Variants in AMER2 observed in about 807,000 individuals in gnomAD.
AMER2 encodes the protein family with sequence similarity 123A.
A neutral mutation model predicts 4.7 loss-of-function variants in AMER2; 1 was observed. The ratio of observed to expected loss-of-function variants is 0.21; its 90% CI spans 0.07 to 1.00. The LOEUF (loss-of-function observed/expected upper bound fraction) is 1.00. AMER2 is among the 50% of genes least tolerant of loss of function. The pLI is 0.60. For synonymous variants in AMER2, 485 were observed against 433.3 expected (o/e 1.12, Z -1.48); for missense variants, 988 against 966.9 (o/e 1.02, Z -0.29).
chr13:25,162,049 G>A lies in AMER2; in HGVS notation c.*7555C>T, dbSNP rs1956413800. ...TTAAAACATAGAATTAGTTCTAGGA[G>A]ACAATTTTTGATGTTTTTCAGGGGT... On this transcript the variant is annotated 3_prime_UTR_variant, in exon 1 of 1. Transcript: ENST00000515384. 2.0e-5 allele frequency: 3 copies of A among 152,134 alleles called. No homozygotes were observed. Among genetic ancestry groups the A allele is most frequent in the East Asian group, 3.8e-4 (2 of 5,204 alleles). 9.4% of individuals were successfully genotyped at this position (152,134 alleles called of 1,614,324 possible). A position where few individuals can be genotyped will look rare whatever the true frequency, so the allele number is the denominator to read the frequency against.
chr13:25,164,248 T>C lies in AMER2; in HGVS notation c.*5356A>G, dbSNP rs1221928372. 2 of 151,118 alleles carry C rather than the reference T, an allele frequency of 1.3e-5. No homozygotes were observed. The highest frequency in any genetic ancestry group is 2.9e-5 in the Non-Finnish European group (2 of 67,906). 9.4% of individuals were successfully genotyped at this position (151,118 alleles called of 1,614,324 possible). On this transcript the variant is annotated 3_prime_UTR_variant, in exon 1 of 1. Coordinates refer to ENST00000515384, the MANE Select transcript of AMER2 (RefSeq NM_152704.4). ...GGAATAAAAACAAATGAAACAAATATGCTTTGAATGAATGATACCCTGTCA... is the reference window on the plus strand; with the variant it reads ...GGAATAAAAACAAATGAAACAAATACGCTTTGAATGAATGATACCCTGTCA...
Position 25,171,612 on chromosome 13 carries a change from G to A in AMER2, c.8C>T (p.Thr3Met), listed in dbSNP as rs1956584419. METSRSRGGGGAV... is the reference protein window; with the variant it reads MEMSRSRGGGGAV... The stretch of plus-strand genomic sequence containing the variant: ...CCCGCCGCCGCCGCGGCTCCGGCTC[G>A]TCTCCATGGAAACCGCGCGGGATAA... The change falls in exon 1 of 1, where the codon ACG (threonine) becomes ATG (methionine). Residue 3 changes from threonine to methionine, a missense_variant. Transcript: ENST00000515384. This position sits in a 1 kb window ranked among gnomAD's most constrained non-coding sequence, Gnocchi z 5.9. 1.3e-6 allele frequency: 2 copies of A among 1,485,872 alleles called. No homozygotes were observed. Among genetic ancestry groups the A allele is most frequent in the East Asian group, 2.5e-5 (1 of 40,104 alleles). The allele number at this position is 1,485,872 out of a possible 1,614,324, so 92.0% of individuals were successfully genotyped here.
In AMER2 at chr13:25,169,861, C is replaced by T. The variant is rs535170330; in HGVS notation, c.1759G>A (p.Val587Ile). ...ETSSLSRLKP[V>I]SPGTITCPLR... The stretch of plus-strand genomic sequence containing the variant: ...GGACAGGTGATGGTGCCTGGAGATA[C>T]GGGCTTTAACCGGGACAGGGAGGAC... Residue 587 changes from valine to isoleucine, a missense_variant, in exon 1 of 1, where the codon GTA becomes ATA. Physicochemically the swap from Val to Ile is conservative, Grantham distance 29. Coordinates refer to ENST00000515384, the MANE Select transcript of AMER2 (RefSeq NM_152704.4). The surrounding 1 kb of genome is among the most constrained non-coding windows in gnomAD (Gnocchi z 4.2). 13 of 1,613,954 alleles carry T rather than the reference C, an allele frequency of 8.1e-6. No individual in the cohort carries two copies. Among genetic ancestry groups the T allele is most frequent in the African/African-American group, 1.3e-5 (1 of 74,926 alleles).
chr13:25,171,323 C>T lies in AMER2; in HGVS notation c.297G>A (p.Gly99=). ...KGDGKSSGPT[G]LVRSRTHDGL... is the part of the protein sequence containing the mutation. ...CGTCGTGGGTCCTGCTCCTCACCAG[C>T]CCCGTCGGACCCGAGCTTTTCCCGT... Residue 99 remains glycine, a synonymous_variant, in exon 1 of 1, where the codon GGG becomes GGA. Transcript: ENST00000515384. The surrounding 1 kb of genome is among the most constrained non-coding windows in gnomAD (Gnocchi z 5.9). The T allele has an allele frequency of 1.9e-6, 3 of 1,608,530 alleles. No homozygotes were observed. The highest frequency in any genetic ancestry group is 2.5e-6 in the Non-Finnish European group (3 of 1,178,330).
chr13:25,170,185 C>T lies in AMER2; in HGVS notation c.1435G>A (p.Val479Met), dbSNP rs2137444291. Residue 479 changes from valine to methionine, a missense_variant, in exon 1 of 1, where the codon GTG becomes ATG. Coordinates refer to ENST00000515384, the MANE Select transcript of AMER2 (RefSeq NM_152704.4). The surrounding 1 kb of genome is among the most constrained non-coding windows in gnomAD (Gnocchi z 7.3). ...GAGGACGCGTCCTTGGCCGCTTCCA[C>T]ACACCTGGTGTCTTTGGGGGTCTCG... ...VPETPKDTRC[V>M]EAAKDASSVK... 1.2e-6 allele frequency: 2 copies of T among 1,613,484 alleles called. No homozygotes were observed. The highest frequency in any genetic ancestry group is 1.7e-6 in the Non-Finnish European group (2 of 1,179,686).
Position 25,170,888 on chromosome 13 carries a change from G to T in AMER2, c.732C>A (p.Ala244=). 6.9e-7 allele frequency: 1 copy of T among 1,453,212 alleles called. No homozygotes were observed. Among genetic ancestry groups the T allele is most frequent in the Non-Finnish European group, 9.0e-7 (1 of 1,111,172 alleles). The allele number at this position is 1,453,212 out of a possible 1,614,324, so 90.0% of individuals were successfully genotyped here. Residue 244 remains alanine (A), a synonymous_variant, in exon 1 of 1, where the codon GCC becomes GCA. Coordinates refer to ENST00000515384, the MANE Select transcript of AMER2 (RefSeq NM_152704.4). This position sits in a 1 kb window ranked among gnomAD's most constrained non-coding sequence, Gnocchi z 7.3. The part of the protein sequence containing the change: ...LECVKEETPR[A]AREPEEPSQD... ...GGCTGGGCTCCTCCGGCTCGCGCGCGGCTCTGGGCGTCTCCTCCTTGACGC... is the reference window on the plus strand; with the variant it reads ...GGCTGGGCTCCTCCGGCTCGCGCGCTGCTCTGGGCGTCTCCTCCTTGACGC...
In AMER2 at chr13:25,170,699, C is replaced by T. The variant is rs1370280983; in HGVS notation, c.921G>A (p.Glu307=). The part of the protein sequence containing the change: ...GEDAAGHRRA[E]PGPGEVRTAE... ...CCGTGCGGACCTCCCCGGGCCCCGG[C>T]TCGGCGCGCCGATGCCCCGCGGCGT... The change falls in exon 1 of 1, where the codon GAG becomes GAA. Residue 307 remains glutamate (E), a synonymous_variant. Coordinates refer to ENST00000515384, the MANE Select transcript of AMER2 (RefSeq NM_152704.4). The surrounding 1 kb of genome is among the most constrained non-coding windows in gnomAD (Gnocchi z 7.3). 1.3e-6 allele frequency: 2 copies of T among 1,505,272 alleles called. No individual in the cohort carries two copies. The highest frequency in any genetic ancestry group is 1.8e-6 in the Non-Finnish European group (2 of 1,131,162). The allele number at this position is 1,505,272 out of a possible 1,614,324, so 93.2% of individuals were successfully genotyped here. A position where few individuals can be genotyped will look rare whatever the true frequency, so the allele number is the denominator to read the frequency against.
rs1481903137 is a variant in AMER2, at chr13:25,164,680, CTGT to C, written c.*4921_*4923del. ...AGATAATATTACCTACCCCACATGG[CTGT>C]TAAGAGGACTAAGTAATTATTTCTA... On this transcript the variant is annotated 3_prime_UTR_variant, in exon 1 of 1. Coordinates refer to ENST00000515384, the MANE Select transcript of AMER2 (RefSeq NM_152704.4). 6.8e-6 allele frequency: 1 copy of C among 146,390 alleles called. No individual in the cohort carries two copies. The highest frequency in any genetic ancestry group is 2.1e-4 in the East Asian group (1 of 4,868). 9.1% of individuals were successfully genotyped at this position (146,390 alleles called of 1,614,324 possible). A position where few individuals can be genotyped will look rare whatever the true frequency, so the allele number is the denominator to read the frequency against.
Position 25,162,058 on chromosome 13 carries a change from T to C in AMER2, c.*7546A>G, listed in dbSNP as rs963360937. 11 of 152,210 alleles carry C rather than the reference T, an allele frequency of 7.2e-5. No individual in the cohort carries two copies. The highest frequency in any genetic ancestry group is 2.0e-4 in the Admixed American group (3 of 15,276). The allele number at this position is 152,210 out of a possible 1,614,324, so 9.4% of individuals were successfully genotyped here. On this transcript the variant is annotated 3_prime_UTR_variant, in exon 1 of 1. Coordinates refer to ENST00000515384, the MANE Select transcript of AMER2 (RefSeq NM_152704.4). ...AGAATTAGTTCTAGGAGACAATTTT[T>C]GATGTTTTTCAGGGGTTTAACATTC...
In AMER2 at chr13:25,163,706, T is replaced by C. The variant is rs1478873435; in HGVS notation, c.*5898A>G. 1.3e-5 allele frequency: 2 copies of C among 151,640 alleles called. No homozygotes were observed. The highest frequency in any genetic ancestry group is 4.9e-5 in the African/African-American group (2 of 41,214). The allele number at this position is 151,640 out of a possible 1,614,324, so 9.4% of individuals were successfully genotyped here. Reference sequence around the variant, plus strand: ...GATGGGGGAGGAAATGAGGAGCTGCTGTTCAATGGGCACAGAGTTTCAGTT... The same window carrying C: ...GATGGGGGAGGAAATGAGGAGCTGCCGTTCAATGGGCACAGAGTTTCAGTT... On this transcript the variant is annotated 3_prime_UTR_variant, in exon 1 of 1. Coordinates refer to ENST00000515384, the MANE Select transcript of AMER2 (RefSeq NM_152704.4).
rs1355262838 is a variant in AMER2 at position 25,169,012 on chromosome 13, T to C, written c.*592A>G. ...CGTAGGGAAGTTTTCTGCCAATCAG[T>C]GGTCCCCTCTGCTCATCAGGTAAAT... On this transcript the variant is annotated 3_prime_UTR_variant, in exon 1 of 1. Transcript: ENST00000515384. The surrounding 1 kb of genome is among the most constrained non-coding windows in gnomAD (Gnocchi z 4.2). The C allele has an allele frequency of 2.0e-5, 3 of 152,672 alleles. No homozygotes were observed. Among genetic ancestry groups the C allele is most frequent in the Admixed American group, 1.3e-4 (2 of 15,286 alleles). 9.5% of individuals were successfully genotyped at this position (152,672 alleles called of 1,614,324 possible). A position where few individuals can be genotyped will look rare whatever the true frequency, so the allele number is the denominator to read the frequency against.
chr13:25,169,400 C>A lies in AMER2; in HGVS notation c.*204G>T. On this transcript the variant is annotated 3_prime_UTR_variant, in exon 1 of 1. Coordinates refer to ENST00000515384, the MANE Select transcript of AMER2 (RefSeq NM_152704.4). This position sits in a 1 kb window ranked among gnomAD's most constrained non-coding sequence, Gnocchi z 4.2. ...CAGGGACTTATCTTGAGAGGAGAAACCCCCGTGTAGCATCCCTCTTTCTGG... is the reference window on the plus strand; with the variant it reads ...CAGGGACTTATCTTGAGAGGAGAAAACCCCGTGTAGCATCCCTCTTTCTGG... 1.9e-6 allele frequency: 1 copy of A among 525,092 alleles called. No individual in the cohort carries two copies. The highest frequency in any genetic ancestry group is 3.1e-6 in the Non-Finnish European group (1 of 320,762). 32.5% of individuals were successfully genotyped at this position (525,092 alleles called of 1,614,324 possible). A position where few individuals can be genotyped will look rare whatever the true frequency, so the allele number is the denominator to read the frequency against.
rs1956584965 is a variant in AMER2, at chr13:25,171,626, C to T, written c.-7G>A. The stretch of plus-strand genomic sequence containing the variant: ...GGCTCCGGCTCGTCTCCATGGAAAC[C>T]GCGCGGGATAAGCCGCTTTCGTCAG... On this transcript the variant is annotated 5_prime_UTR_variant, in exon 1 of 1. Coordinates refer to ENST00000515384, the MANE Select transcript of AMER2 (RefSeq NM_152704.4). The surrounding 1 kb of genome is among the most constrained non-coding windows in gnomAD (Gnocchi z 5.9). 6.8e-7 allele frequency: 1 copy of T among 1,476,446 alleles called. No homozygotes were observed. The highest frequency in any genetic ancestry group is 1.4e-5 in the African/African-American group (1 of 69,164). 91.5% of individuals were successfully genotyped at this position (1,476,446 alleles called of 1,614,324 possible). A position where few individuals can be genotyped will look rare whatever the true frequency, so the allele number is the denominator to read the frequency against.
rs1240637248 is a variant in AMER2, at chr13:25,162,385, T to C, written c.*7219A>G. On this transcript the variant is annotated 3_prime_UTR_variant, in exon 1 of 1. Coordinates refer to ENST00000515384, the MANE Select transcript of AMER2 (RefSeq NM_152704.4). ...CTTTGCCAACAACATCAAAAGCATTTTCCCTGATATTCCTGATAGACCTAC... is the reference window on the plus strand; with the variant it reads ...CTTTGCCAACAACATCAAAAGCATTCTCCCTGATATTCCTGATAGACCTAC... 1.3e-5 allele frequency: 2 copies of C among 152,204 alleles called. No individual in the cohort carries two copies. The highest frequency in any genetic ancestry group is 1.3e-4 in the Admixed American group (2 of 15,280). The allele number at this position is 152,204 out of a possible 1,614,324, so 9.4% of individuals were successfully genotyped here.
In AMER2 at chr13:25,169,225, C is replaced by G. The variant is rs1956517197; in HGVS notation, c.*379G>C. ...TCAGGCCTCTAGACACTGGCTTATC[C>G]CAATATCCAGGCATGACTCTTACTT... On this transcript the variant is annotated 3_prime_UTR_variant, in exon 1 of 1. Transcript: ENST00000515384. This position sits in a 1 kb window ranked among gnomAD's most constrained non-coding sequence, Gnocchi z 4.2. 6.1e-6 allele frequency: 1 copy of G among 162,896 alleles called. No homozygotes were observed. Among genetic ancestry groups the G allele is most frequent in the African/African-American group, 2.4e-5 (1 of 41,696 alleles). The allele number at this position is 162,896 out of a possible 1,614,324, so 10.1% of individuals were successfully genotyped here.
Position 25,171,346 on chromosome 13 carries a change from C to T in AMER2, c.274G>A (p.Gly92Arg). The change falls in exon 1 of 1, where the codon GGG becomes AGG. Residue 92 changes from glycine (G) to arginine (R), a missense_variant. Gly to Arg is a moderately radical substitution (Grantham distance 125). Coordinates refer to ENST00000515384, the MANE Select transcript of AMER2 (RefSeq NM_152704.4). The surrounding 1 kb of genome is among the most constrained non-coding windows in gnomAD (Gnocchi z 5.9). ...SIFGVKNKGD[G>R]KSSGPTGLVR... is the part of the protein sequence containing the mutation. ...AGCCCCGTCGGACCCGAGCTTTTCC[C>T]GTCCCCTTTGTTTTTGACCCCAAAA... is the stretch of plus-strand genomic sequence containing the variant. The T allele has an allele frequency of 6.2e-7, 1 of 1,611,232 alleles. No homozygotes were observed. Among genetic ancestry groups the T allele is most frequent in the Non-Finnish European group, 8.5e-7 (1 of 1,179,180 alleles).
In AMER2 at chr13:25,170,447, C is replaced by T; in HGVS notation, c.1173G>A (p.Glu391=). Residue 391 remains glutamate, a synonymous_variant, in exon 1 of 1, where the codon GAG becomes GAA. Transcript: ENST00000515384. The surrounding 1 kb of genome is among the most constrained non-coding windows in gnomAD (Gnocchi z 7.3). ...CATGCTTGTCACAGCTGGGACCTGC[C>T]TCTTCCTCTTGGTCTGCAATAATAT... ...CGDIIADQEE[E]AGPSCDKHVP... is the part of the protein sequence containing the mutation. 1 of 1,614,226 alleles carries T rather than the reference C, an allele frequency of 6.2e-7. No individual in the cohort carries two copies. The highest frequency in any genetic ancestry group is 1.6e-4 in the Middle Eastern group (1 of 6,062).
rs1956476357 is a variant in AMER2 at position 25,166,150 on chromosome 13, C to T, written c.*3454G>A. The T allele has an allele frequency of 6.6e-6, 1 of 152,186 alleles. No homozygotes were observed. The highest frequency in any genetic ancestry group is 6.5e-5 in the Admixed American group (1 of 15,276). 9.4% of individuals were successfully genotyped at this position (152,186 alleles called of 1,614,324 possible). A position where few individuals can be genotyped will look rare whatever the true frequency, so the allele number is the denominator to read the frequency against. ...GAGATGAAGAAATAAATCCTTTAAA[C>T]ACGGTGAGTTATTACCTTCATAGAT... is the stretch of plus-strand genomic sequence containing the variant. On this transcript the variant is annotated 3_prime_UTR_variant, in exon 1 of 1. Transcript: ENST00000515384.
Position 25,169,530 on chromosome 13 carries a change from AACTT to A in AMER2, c.*70_*73del. 6.6e-7 allele frequency: 1 copy of A among 1,506,998 alleles called. No individual in the cohort carries two copies. Among genetic ancestry groups the A allele is most frequent in the Admixed American group, 2.3e-5 (1 of 44,082 alleles). 93.4% of individuals were successfully genotyped at this position (1,506,998 alleles called of 1,614,324 possible). ...AAAAGACTTTCTTTAGGAAAAGCAA[AACTT>A]ACTTTAGTGGTTTCCAGGGAAAAGT... On this transcript the variant is annotated 3_prime_UTR_variant, in exon 1 of 1. Coordinates refer to ENST00000515384, the MANE Select transcript of AMER2 (RefSeq NM_152704.4). The surrounding 1 kb of genome is among the most constrained non-coding windows in gnomAD (Gnocchi z 4.2).
Sources: gnomAD v4.1 joint callset for allele counts on GRCh38, gnomAD v4.1.1 for gene constraint, Gnocchi (gnomAD v3.1) non-coding constraint, MANE v1.5 for transcripts, NCBI Gene and HGNC (gene_info 2026-07-23, HGNC 2026-07-21) for gene names.